Variants in AMBRA1 observed in about 807,000 individuals in gnomAD.
AMBRA1 encodes activating molecule in BECN1-regulated autophagy protein 1.
AMBRA1 carries 47 observed loss-of-function variants against 125.4 expected under a neutral mutation model. That is an observed-to-expected ratio of 0.37 (90% CI 0.30 to 0.48). AMBRA1 has a LOEUF of 0.48. Among genes scored for constraint, AMBRA1 ranks in the 20% least tolerant of loss-of-function variants. The probability of loss-of-function intolerance (pLI) is 0.99; values close to 1 mark genes in which losing one functional copy is unlikely to be tolerated. For synonymous variants in AMBRA1, 626 were observed against 655.5 expected, an observed-to-expected ratio of 0.95 and a Z score of 0.69; for missense variants, 1,331 against 1,693.4, an observed-to-expected ratio of 0.79 and a Z score of 3.76.
At chr11:46,499,478 G>A (rs575970733) in intron 9 of AMBRA1, among the ~76,000 whole-genome samples, 3 of 152,120 alleles carry the variant, frequency 2.0e-5, no homozygotes, top group African/African-American at 4.8e-5. Context: ...AATATTACAC[G>A]TTTTTAAGCA....
chr11:46,573,550 T>A (rs889482363), intron 1 of AMBRA1, among the ~76,000 whole-genome samples: 3 of 152,212 alleles, frequency 2.0e-5, no homozygotes, highest in Non-Finnish European at 4.4e-5. Flanking sequence ...CTGGCAGTTA[T>A]GTAATTTAGC....
chr11:46,463,060 C>A (rs1022626443), intron 11 of AMBRA1, among the ~76,000 whole-genome samples: 2 of 152,144 alleles, frequency 1.3e-5, no homozygotes, highest in African/African-American at 2.4e-5. Flanking sequence ...GGCCAATAAT[C>A]CCCTTTTCTA....
intron 11 of AMBRA1, among the ~76,000 whole-genome samples, chr11:46,471,020 C>A (rs377208384): frequency 6.6e-6 from 1 of 152,216 alleles, no homozygotes; most frequent in Admixed American, 6.5e-5. Flanking sequence ...TGTTGCATGG[C>A]GATTTCTGAT....
chr11:46,556,544 T>C (rs2043161641), intron 1 of AMBRA1, among the ~76,000 whole-genome samples: 1 of 152,242 alleles, frequency 6.6e-6, no homozygotes, highest in South Asian at 2.1e-4. Context: ...GTGATATTTA[T>C]TTTATTGTTA....
chr11:46,399,876 T>C (rs2136576587), intron 17 of AMBRA1, among the ~76,000 whole-genome samples: 1 of 152,242 alleles, frequency 6.6e-6, no homozygotes, highest in East Asian at 1.9e-4. Context: ...TCTGCAGAAA[T>C]GCCTGAGCAT....
intron 9 of AMBRA1, among the ~76,000 whole-genome samples, chr11:46,499,631 C>T (rs991533615): frequency 3.9e-5 from 6 of 152,026 alleles, no homozygotes; most frequent in African/African-American, 1.4e-4. Context: ...ATTATTGTAC[C>T]TCTGCCTACT....
chr11:46,470,242 A>C (rs952977414), intron 11 of AMBRA1, among the ~76,000 whole-genome samples: 2 of 152,000 alleles, frequency 1.3e-5, no homozygotes, highest in Admixed American at 6.6e-5. Flanking sequence ...GGAGTTCAAG[A>C]CCAGCCTGAG....
intron 1 of AMBRA1, among the ~76,000 whole-genome samples, chr11:46,565,267 A>C (rs1591137364): frequency 6.6e-6 from 1 of 151,962 alleles, no homozygotes; most frequent in African/African-American, 2.4e-5. Flanking sequence ...TAAAAAAAAA[A>C]CGAAAAGGAA....
At chr11:46,452,746 C>A (rs1948671907) in intron 11 of AMBRA1, among the ~76,000 whole-genome samples, 1 of 152,192 alleles carries the variant, frequency 6.6e-6, no homozygotes, top group Non-Finnish European at 1.5e-5. Flanking sequence ...AATCTGAAAT[C>A]ACAGTCAATG....
intron 1 of AMBRA1, among the ~76,000 whole-genome samples, chr11:46,561,593 G>C (rs1316811955): frequency 6.6e-6 from 1 of 152,116 alleles, no homozygotes; most frequent in Non-Finnish European, 1.5e-5. Context: ...GATAGTACCA[G>C]AGCTACACTC....
In AMBRA1 at chr11:46,397,904, A is replaced by C; in HGVS notation, c.3443T>G (p.Leu1148Arg). The part of the protein sequence containing the change: ...SEYGASGEDA[L>R]SRIQRLMAEG... ...CGCCATCAGCCTCTGGATCCTGCTGAGCGCATCTTCTCCACTGGCACCATA... is the reference window on the plus strand; with the variant it reads ...CGCCATCAGCCTCTGGATCCTGCTGCGCGCATCTTCTCCACTGGCACCATA... The change falls in exon 18 of 18, where the codon CTC becomes CGC. Residue 1148 changes from leucine (L) to arginine (R), a missense_variant. Physicochemically the swap from Leu to Arg is moderately radical, Grantham distance 102. Transcript: ENST00000683756. The C allele has an allele frequency of 1.0e-5, 16 of 1,598,924 alleles. No homozygotes were observed. Among genetic ancestry groups the C allele is most frequent in the Non-Finnish European group, 1.4e-5 (16 of 1,179,306 alleles).
Position 46,397,956 on chromosome 11 carries a change from A to G in AMBRA1, c.3404-13T>C, listed in dbSNP as rs771327564. 3 of 1,578,906 alleles carry G rather than the reference A, an allele frequency of 1.9e-6. No homozygotes were observed. Among genetic ancestry groups the G allele is most frequent in the Admixed American group, 3.4e-5 (2 of 59,280 alleles). On this transcript the variant is annotated splice_polypyrimidine_tract_variant and intron_variant, in intron 17 of 17. Coordinates refer to ENST00000683756, the MANE Select transcript of AMBRA1 (RefSeq NM_001387011.1). ...TCTGAACCCTCACCTGGCAGATACA[A>G]AGCAGAAGAGAGAGCGAATTGGCTG... is the stretch of plus-strand genomic sequence containing the variant.
chr11:46,584,806 T>C (rs1030769507), intron 1 of AMBRA1, among the ~76,000 whole-genome samples: 1 of 152,092 alleles, frequency 6.6e-6, no homozygotes, highest in Non-Finnish European at 1.5e-5. Flanking sequence ...GCTCAGTGGC[T>C]AACACCTGTA....
Position 46,545,717 on chromosome 11 carries a change from G to A in AMBRA1, c.438C>T (p.His146=), listed in dbSNP as rs765849424. Residue 146 remains histidine (H), a synonymous_variant, in exon 5 of 18, where the codon CAC becomes CAT. Transcript: ENST00000683756. ...SNNAIASLAF[H]PTAQLLLIAT... ...CAATCAGCAGGAGCTGAGCCGTAGG[G>A]TGGAAAGCCAGGGAGGCAATGGCAT... is the stretch of plus-strand genomic sequence containing the variant. 2 of 1,614,218 alleles carry A rather than the reference G, an allele frequency of 1.2e-6. No homozygotes were observed. The highest frequency in any genetic ancestry group is 1.7e-6 in the Non-Finnish European group (2 of 1,180,028).
chr11:46,586,367 C>T (rs1299820587), intron 1 of AMBRA1, among the ~76,000 whole-genome samples: 2 of 152,096 alleles, frequency 1.3e-5, no homozygotes, highest in Non-Finnish European at 2.9e-5. Flanking sequence ...CAAGATTGTG[C>T]CACCGCACCA....
At chr11:46,490,439 T>TATA (rs1950420353) in intron 11 of AMBRA1, among the ~76,000 whole-genome samples, 1 of 152,348 alleles carries the variant, frequency 6.6e-6, no homozygotes, top group South Asian at 2.1e-4. Flanking sequence ...TGCAATAACT[T>TATA]ACTCTTCACC....
chr11:46,547,777 T>G, intron 3 of AMBRA1, 40 bp downstream of exon 3: 1 of 1,578,528 alleles, frequency 6.3e-7, no homozygotes, highest in Non-Finnish European at 8.6e-7. Context: ...CAGAAAGCAC[T>G]GTTATCACAA....
Position 46,588,568 on chromosome 11 carries a change from G to C in AMBRA1, c.-121+5260C>G, listed in dbSNP as rs539300996. 6.6e-5 allele frequency among the ~76,000 whole-genome samples: 10 copies of C among 151,828 alleles called. No homozygotes were observed. The South Asian group carries it at 2.1e-3, about 32-fold the overall frequency. Reference sequence around the variant, plus strand: ...AGGCAGGTGGATCACCTGAAGTCAGGAGTTCGAGACCAGCCTGACCAACAT... The same window carrying C: ...AGGCAGGTGGATCACCTGAAGTCAGCAGTTCGAGACCAGCCTGACCAACAT... On this transcript the variant is annotated intron_variant, in intron 1 of 17. Transcript: ENST00000683756.
intron 8 of AMBRA1, among the ~76,000 whole-genome samples, chr11:46,508,935 C>G (rs1301788770): frequency 6.6e-6 from 1 of 152,236 alleles, no homozygotes; most frequent in African/African-American, 2.4e-5. Flanking sequence ...TTAGCATGAT[C>G]TCTTGGAACC....
Sources: allele counts gnomAD v4.1 joint callset (sites outside exome capture counted in the v4.1 genomes callset), GRCh38; gene constraint gnomAD v4.1.1; transcripts MANE v1.5; gene names NCBI Gene and HGNC (gene_info 2026-07-23, HGNC 2026-07-21).